SYNE1: variants seen among roughly 807,000 people sequenced by gnomAD.
SYNE1 encodes the protein spectrin repeat containing nuclear envelope protein 1, also known as nesprin-1.
Under a neutral mutation model 1,111.0 loss-of-function variants are expected in SYNE1, and 616 were observed. That is an observed-to-expected ratio of 0.55 (90% CI 0.52 to 0.59). SYNE1 has a LOEUF of 0.59. Among genes scored for constraint, SYNE1 ranks in the 20% least tolerant of loss-of-function variants. The pLI, the probability that SYNE1 is intolerant of heterozygous loss-of-function variation, is 0.00. For missense variants in SYNE1, 10,006 were observed against 10,417.0 expected, an observed-to-expected ratio of 0.96 and a Z score of 1.72; for synonymous variants, 3,855 against 3,825.8, an observed-to-expected ratio of 1.01 and a Z score of -0.28.
At chr6:152,279,510 GT>G (rs1348184634) in intron 97 of SYNE1, among the ~76,000 whole-genome samples, 1 of 151,770 alleles carries the variant, frequency 6.6e-6, no homozygotes, top group Non-Finnish European at 1.5e-5. Context: ...GAGCTCAGGA[GT>G]TTGAGACCAG....
intron 45 of SYNE1, among the ~76,000 whole-genome samples, chr6:152,405,873 G>A (rs2097891705): frequency 6.6e-6 from 1 of 152,030 alleles, no homozygotes. Context: ...AATAAGTTAG[G>A]TAATGCAATT....
At chr6:152,579,959 G>A (rs2099513834) in intron 3 of SYNE1, among the ~76,000 whole-genome samples, 2 of 152,184 alleles carry the variant, frequency 1.3e-5, no homozygotes, top group Admixed American at 1.3e-4. Flanking sequence ...ATTGTGAAGA[G>A]TGCTGCAATG....
chr6:152,539,736 T>C (rs1009115302), intron 4 of SYNE1, among the ~76,000 whole-genome samples: 1 of 152,196 alleles, frequency 6.6e-6, no homozygotes, highest in Non-Finnish European at 1.5e-5. Context: ...TTCACAGAAT[T>C]GACATGAAGT....
chr6:152,604,569 G>A (rs2099606242), intron 3 of SYNE1, among the ~76,000 whole-genome samples: 1 of 152,072 alleles, frequency 6.6e-6, no homozygotes, highest in African/African-American at 2.4e-5. Flanking sequence ...CTCCCGAAGT[G>A]CTAGAATTAC....
chr6:152,200,881 A>AT (rs1288386378), intron 127 of SYNE1, among the ~76,000 whole-genome samples: 1 of 152,162 alleles, frequency 6.6e-6, no homozygotes, highest in African/African-American at 2.4e-5. Context: ...ATATCCTTAG[A>AT]TTTTACAACT....
chr6:152,160,726 T>C (rs2152991855), intron 131 of SYNE1, among the ~76,000 whole-genome samples: 1 of 152,254 alleles, frequency 6.6e-6, no homozygotes, highest in South Asian at 2.1e-4. Flanking sequence ...TTATAAAGAA[T>C]TTTTCTCCGC....
At chr6:152,191,042 GTCTT>G (rs550602225) in intron 127 of SYNE1, among the ~76,000 whole-genome samples, 262 of 152,248 alleles carry the variant, frequency 1.7e-3, no homozygotes, top group African/African-American at 6.0e-3. Context: ...TATAACTTTT[GTCTT>G]TCATTCTGTT....
chr6:152,629,542 GGAGGGGAGGA>G (rs2099693961), intron 2 of SYNE1, among the ~76,000 whole-genome samples: 3 of 116,566 alleles, frequency 2.6e-5, no homozygotes, highest in Non-Finnish European at 5.4e-5. Flanking sequence ...GGGGGGAGGG[GGAGGGGAGGA>G]GGGGGTGCAG....
intron 3 of SYNE1, among the ~76,000 whole-genome samples, chr6:152,575,273 T>G (rs1214975344): frequency 6.6e-6 from 1 of 152,242 alleles, no homozygotes; most frequent in Non-Finnish European, 1.5e-5. Flanking sequence ...GAAGCTTTTA[T>G]TTAGTGGTCT....
At position 152,246,353 on chromosome 6, in the gene SYNE1, C is replaced by A. The variant is rs1451319856; in HGVS notation, c.19573-1697G>T. On this transcript the variant is annotated intron_variant, in intron 105 of 145. Transcript: ENST00000367255. Reference sequence around the variant, plus strand: ...AGAACTTTAAACAACAAAAAAAAAACCATTAATATACCCAGAAAGATATAA... The same window carrying A: ...AGAACTTTAAACAACAAAAAAAAAAACATTAATATACCCAGAAAGATATAA... 8.6e-5 allele frequency among the ~76,000 whole-genome samples: 13 copies of A among 150,516 alleles called. 1 individual carries two copies. Among genetic ancestry groups the A allele is most frequent in the Non-Finnish European group, 3.0e-5 (2 of 67,588 alleles).
At chr6:152,454,940 A>G (rs535547665) in intron 24 of SYNE1, among the ~76,000 whole-genome samples, 1 of 152,308 alleles carries the variant, frequency 6.6e-6, no homozygotes, top group African/African-American at 2.4e-5. Context: ...TGATATTGAG[A>G]TGATAAACAT....
rs539108972 is a variant in SYNE1, at chr6:152,604,385, C to T, written c.67+23880G>A. Among the ~76,000 whole-genome samples the T allele has an allele frequency of 7.4e-4, 112 of 152,198 alleles. 1 individual carries two copies. Among genetic ancestry groups the T allele is most frequent in the Non-Finnish European group, 1.3e-3 (88 of 68,012 alleles). ...TAGTGTGATCACAGCTCACCGCAGC[C>T]TTGACCTCCTGGGCTCAGGTGATCC... On this transcript the variant is annotated intron_variant, in intron 3 of 145. Coordinates refer to ENST00000367255, the MANE Select transcript of SYNE1 (RefSeq NM_182961.4).
chr6:152,201,717 C>T, intron 127 of SYNE1, 107 bp downstream of exon 127: 1 of 1,542,850 alleles, frequency 6.5e-7, no homozygotes, highest in Non-Finnish European at 9.0e-7. Flanking sequence ...ATACTAGGAT[C>T]TTGTATCTGC....
chr6:152,473,098 T>C (rs1351611031), intron 14 of SYNE1, among the ~76,000 whole-genome samples: 2 of 152,232 alleles, frequency 1.3e-5, no homozygotes, highest in Non-Finnish European at 2.9e-5. Flanking sequence ...GCTGTGTTTT[T>C]CATCATTTAC....
intron 4 of SYNE1, among the ~76,000 whole-genome samples, chr6:152,539,507 A>G (rs575265162): frequency 6.6e-6 from 1 of 152,276 alleles, no homozygotes; most frequent in African/African-American, 2.4e-5. Flanking sequence ...TCCTATTACC[A>G]TGGTTACTTT....
chr6:152,574,301 A>C (rs2099487442), intron 3 of SYNE1, among the ~76,000 whole-genome samples: 2 of 151,752 alleles, frequency 1.3e-5, no homozygotes, highest in Non-Finnish European at 2.9e-5. Context: ...TATATAATAT[A>C]TATTTGTTGT....
At chr6:152,302,191 T>G in intron 91 of SYNE1, 128 bp from the exon 92 acceptor site, 7 of 1,272,746 alleles carry the variant, frequency 5.5e-6, no homozygotes, top group Non-Finnish European at 6.7e-6. Context: ...AGGCAGGATG[T>G]GTAGGCGGCG....
chr6:152,438,375 G>A (rs1183506068), intron 32 of SYNE1, among the ~76,000 whole-genome samples: 1 of 152,130 alleles, frequency 6.6e-6, no homozygotes, highest in East Asian at 1.9e-4. Context: ...CAATTTTAGA[G>A]CTTTTTATGT....
intron 130 of SYNE1, among the ~76,000 whole-genome samples, chr6:152,169,478 C>T (rs1261976967): frequency 7.2e-6 from 1 of 138,576 alleles, no homozygotes. Context: ...AGGAGAATGG[C>T]GTGAACCTGG....
Sources: allele counts gnomAD v4.1 joint callset (sites outside exome capture counted in the v4.1 genomes callset), GRCh38; gene constraint gnomAD v4.1.1; transcripts MANE v1.5; gene names NCBI Gene and HGNC (gene_info 2026-07-23, HGNC 2026-07-21).